The following PDXDC1 variants were observed in gnomAD, a reference collection of about 807,000 sequenced individuals.
PDXDC1 encodes pyridoxal-dependent decarboxylase domain-containing protein 1.
In PDXDC1, 42 loss-of-function variants were observed where a neutral mutation model predicts 100.1. That is an observed-to-expected ratio of 0.42 (90% CI 0.33 to 0.54). The LOEUF is 0.54. PDXDC1 is among the 20% of genes least tolerant of loss of function. The pLI, the probability that PDXDC1 is intolerant of heterozygous loss-of-function variation, is 0.10. For synonymous variants in PDXDC1, 260 were observed against 371.7 expected (o/e 0.70, Z 3.46); for missense variants, 636 against 979.2 (o/e 0.65, Z 4.68).
At chr16:15,064,321 G>A (rs2044860564) in intron 16 of PDXDC1, among the ~76,000 whole-genome samples, 1 of 151,892 alleles carries the variant, frequency 6.6e-6, no homozygotes, top group South Asian at 2.1e-4. Context: ...AATTACAGGC[G>A]CCACCACCAC....
At chr16:15,127,918 C>A in intron 16 of PDXDC1, 1 of 1,403,842 alleles carries the variant, frequency 7.1e-7, no homozygotes, top group Non-Finnish European at 9.9e-7. Flanking sequence ...GGGAGGGCCG[C>A]ACTGCAGGAG....
intron 16 of PDXDC1, among the ~76,000 whole-genome samples, chr16:15,064,956 G>A (rs1257969012): frequency 6.6e-6 from 1 of 152,184 alleles, no homozygotes; most frequent in Non-Finnish European, 1.5e-5. Context: ...CACGAGGTCA[G>A]GAGATCGAGA....
At chr16:15,125,296 G>A (rs1381188665) in intron 16 of PDXDC1, 70 of 652,048 alleles carry the variant, frequency 1.1e-4, no homozygotes, top group Non-Finnish European at 1.3e-4. Context: ...CCAACTGGGC[G>A]TTCCCTCGCT....
At chr16:15,129,208 C>T (rs2047922888) in intron 16 of PDXDC1, among the ~76,000 whole-genome samples, 2 of 151,770 alleles carry the variant, frequency 1.3e-5, no homozygotes, top group Middle Eastern at 6.3e-3. Flanking sequence ...GTGGCTCACA[C>T]CTGTCATCCC....
chr16:15,062,957 C>A (rs2044773146), intron 16 of PDXDC1, among the ~76,000 whole-genome samples: 1 of 152,190 alleles, frequency 6.6e-6, no homozygotes. Flanking sequence ...TGACCTCCCA[C>A]CTCAGCTTCC....
intron 8 of PDXDC1, among the ~76,000 whole-genome samples, chr16:15,015,069 C>T (rs1374166305): frequency 6.6e-6 from 1 of 152,054 alleles, no homozygotes; most frequent in African/African-American, 2.4e-5. Context: ...CCGCGAGTAC[C>T]TGGGACTATA....
the PDXDC1 span, among the ~76,000 whole-genome samples, chr16:15,145,613 G>A: frequency 2.6e-5 from 4 of 152,368 alleles, no homozygotes; most frequent in African/African-American, 4.8e-5. Context: ...GACCCAGCCC[G>A]CCTCAGCCCC....
chr16:15,056,906 G>C (rs2044544747), intron 16 of PDXDC1, among the ~76,000 whole-genome samples: 1 of 152,164 alleles, frequency 6.6e-6, no homozygotes, highest in Non-Finnish European at 1.5e-5. Context: ...CTCACAGGTG[G>C]GCTGGGAACC....
intron 1 of PDXDC1, among the ~76,000 whole-genome samples, chr16:14,992,038 C>T (rs1234754143): frequency 9.9e-5 from 15 of 152,274 alleles, no homozygotes; most frequent in Admixed American, 7.2e-4. Context: ...CTTCAAGAAG[C>T]TTGTAATCTA....
At chr16:15,065,059 G>A (rs1401461638) in intron 16 of PDXDC1, among the ~76,000 whole-genome samples, 1 of 151,914 alleles carries the variant, frequency 6.6e-6, no homozygotes, top group Non-Finnish European at 1.5e-5. Flanking sequence ...CCAGCTACTC[G>A]GGAGGCTGAG....
downstream of PDXDC1, among the ~76,000 whole-genome samples, chr16:15,144,297 C>T (rs1202491505): frequency 6.6e-6 from 1 of 152,236 alleles, no homozygotes; most frequent in East Asian, 1.9e-4. Flanking sequence ...GCGCTGTGCT[C>T]CTTTCTATTT....
intron 16 of PDXDC1, chr16:15,104,175 A>C: frequency 2.5e-6 from 2 of 795,770 alleles, no homozygotes; most frequent in Non-Finnish European, 3.5e-6. Context: ...CCAGTCTCAA[A>C]AAAAAAAACA....
chr16:15,065,999 G>T (rs1567188259), intron 16 of PDXDC1, among the ~76,000 whole-genome samples: 1 of 152,216 alleles, frequency 6.6e-6, no homozygotes, highest in Non-Finnish European at 1.5e-5. Context: ...TCCAGTAGTT[G>T]TCTCTAAATG....
At chr16:15,086,502 A>G in intron 16 of PDXDC1, 1 of 1,607,272 alleles carries the variant, frequency 6.2e-7, no homozygotes, top group Non-Finnish European at 8.5e-7. Context: ...CCTCTAACAT[A>G]ACAGAAATTT....
intron 16 of PDXDC1, chr16:15,070,373 A>C: frequency 5.9e-6 from 4 of 678,148 alleles, no homozygotes; most frequent in Non-Finnish European, 1.0e-5. Flanking sequence ...GTTTCTTTAA[A>C]TAATACCCAT....
chr16:14,979,404 C>T (rs1434460467), intron 1 of PDXDC1, among the ~76,000 whole-genome samples: 17 of 152,292 alleles, frequency 1.1e-4, no homozygotes, highest in African/African-American at 3.6e-4. Context: ...ATTCTCCTGC[C>T]TCAGCCTCTC....
At chr16:15,016,066 T>G in intron 8 of PDXDC1, 63 bp from the exon 9 acceptor site, 1 of 1,611,944 alleles carries the variant, frequency 6.2e-7, no homozygotes, top group Non-Finnish European at 8.5e-7. Flanking sequence ...TATAAAAGTG[T>G]TTAAGGTATA....
At chr16:15,014,799 A>T (rs2041656350) in intron 8 of PDXDC1, among the ~76,000 whole-genome samples, 2 of 152,298 alleles carry the variant, frequency 1.3e-5, no homozygotes, top group Admixed American at 6.5e-5. Flanking sequence ...CTGAAAAGGG[A>T]TCTCCCCAGC....
Position 15,038,202 on chromosome 16 carries a change from G to GGAAA in PDXDC1, c.*1930_*1933dup. The GGAAA allele has an allele frequency of 3.7e-6, 6 of 1,611,828 alleles. No homozygotes were observed. The highest frequency in any genetic ancestry group is 2.2e-5 in the South Asian group (2 of 90,578). ...GGGGTGGCTCAGCCAGAGGCGAAGT[G>GGAAA]GAAAGATTCTGAAAACACAAGATGG... On this transcript the variant is annotated 3_prime_UTR_variant, in exon 23 of 23. Coordinates refer to ENST00000396410, the MANE Select transcript of PDXDC1 (RefSeq NM_015027.4).
Sources: allele counts gnomAD v4.1 joint callset (sites outside exome capture counted in the v4.1 genomes callset), GRCh38; gene constraint gnomAD v4.1.1; transcripts MANE v1.5; gene names NCBI Gene and HGNC (gene_info 2026-07-23, HGNC 2026-07-21).